Variants in TMEM132D observed in about 807,000 individuals in gnomAD.
TMEM132D encodes the protein mature OL transmembrane protein.
TMEM132D carries 21 observed loss-of-function variants against 62.3 expected under a neutral mutation model. The ratio of observed to expected loss-of-function variants is 0.34; its 90% CI spans 0.24 to 0.49. The LOEUF (loss-of-function observed/expected upper bound fraction) is 0.49. Ranked by LOEUF, TMEM132D falls within the 20% of genes least tolerant of loss-of-function variation. The probability of loss-of-function intolerance (pLI) is 0.99; values close to 1 mark genes in which losing one functional copy is unlikely to be tolerated. For synonymous variants in TMEM132D, 621 were observed against 575.6 expected (o/e 1.08, Z -1.13); for missense variants, 1,346 against 1,402.8 (o/e 0.96, Z 0.65).
At chr12:129,711,751 G>T in intron 1 of TMEM132D, among the ~76,000 whole-genome samples, 1 of 146,826 alleles carries the variant, frequency 6.8e-6, no homozygotes, top group Non-Finnish European at 1.5e-5. Flanking sequence ...AAAAAAGGAT[G>T]GGATTATATA....
At position 129,721,403 on chromosome 12, in the gene TMEM132D, T is replaced by C. The variant is rs368687372; in HGVS notation, c.80-20705A>G. Among the ~76,000 whole-genome samples, 59 of 152,270 alleles carry C rather than the reference T, an allele frequency of 3.9e-4. No homozygotes were observed. The South Asian group carries it at 0.012, about 32-fold the overall frequency. ...TGCCTTAACGGGGTCTTTCTCTTGG[T>C]GCCCAGAAATACCCACATTGTGGTG... On this transcript the variant is annotated intron_variant, in intron 1 of 8. Coordinates refer to ENST00000422113, the MANE Select transcript of TMEM132D (RefSeq NM_133448.3).
At chr12:129,544,269 C>G (rs1876672453) in intron 2 of TMEM132D, among the ~76,000 whole-genome samples, 1 of 152,098 alleles carries the variant, frequency 6.6e-6, no homozygotes, top group South Asian at 2.1e-4. Flanking sequence ...TTCCCTGTTG[C>G]TTTCTTAGTC....
chr12:129,456,371 A>C (rs190155985), intron 3 of TMEM132D, among the ~76,000 whole-genome samples: 2 of 152,214 alleles, frequency 1.3e-5, no homozygotes, highest in South Asian at 4.1e-4. Context: ...GGCTGAGGAG[A>C]GAGAACAGAT....
intron 2 of TMEM132D, among the ~76,000 whole-genome samples, chr12:129,671,608 A>C (rs759794213): frequency 5.3e-5 from 8 of 152,086 alleles, no homozygotes; most frequent in African/African-American, 1.7e-4. Context: ...GGAGGGCTGA[A>C]GCGTTTTTGA....
At chr12:129,896,157 T>C (rs1318874406) in intron 1 of TMEM132D, among the ~76,000 whole-genome samples, 2 of 151,726 alleles carry the variant, frequency 1.3e-5, no homozygotes, top group East Asian at 1.9e-4. Context: ...TTTGTTTTGT[T>C]TTGTTTTTGT....
At chr12:129,749,472 T>G (rs1421224909) in intron 1 of TMEM132D, among the ~76,000 whole-genome samples, 2 of 151,908 alleles carry the variant, frequency 1.3e-5, no homozygotes, top group East Asian at 3.9e-4. Flanking sequence ...TCTTTTTTTT[T>G]TTTTTTTTGA....
chr12:129,617,600 T>C (rs1476313132), intron 2 of TMEM132D, among the ~76,000 whole-genome samples: 1 of 152,184 alleles, frequency 6.6e-6, no homozygotes, highest in African/African-American at 2.4e-5. Flanking sequence ...AGTGCGGTTC[T>C]ATTTGTTGAT....
intron 1 of TMEM132D, among the ~76,000 whole-genome samples, chr12:129,882,930 T>C (rs568314597): frequency 1.3e-5 from 2 of 152,226 alleles, no homozygotes; most frequent in South Asian, 4.1e-4. Context: ...ATACTTAACG[T>C]TGTAAAATGT....
intron 5 of TMEM132D, among the ~76,000 whole-genome samples, chr12:129,153,983 C>T (rs553146695): frequency 3.3e-5 from 5 of 152,320 alleles, no homozygotes; most frequent in African/African-American, 9.6e-5. Context: ...AAACCATTCA[C>T]GACATTCCTT....
At chr12:129,422,161 A>G (rs915431137) in intron 3 of TMEM132D, among the ~76,000 whole-genome samples, 2 of 151,424 alleles carry the variant, frequency 1.3e-5, no homozygotes, top group African/African-American at 4.8e-5. Flanking sequence ...TTAATATTTA[A>G]GGGAACGTTT....
chr12:129,888,376 T>C (rs752370950), intron 1 of TMEM132D, among the ~76,000 whole-genome samples: 12 of 152,134 alleles, frequency 7.9e-5, no homozygotes, highest in Non-Finnish European at 1.3e-4. Context: ...TAGAGAAAAT[T>C]TGAATATTTG....
chr12:129,568,451 GAC>G (rs1252652779), intron 2 of TMEM132D, among the ~76,000 whole-genome samples: 14 of 152,280 alleles, frequency 9.2e-5, no homozygotes, highest in African/African-American at 1.9e-4. Flanking sequence ...ATTGTTTTAT[GAC>G]ACAATTTTCT....
chr12:129,784,905 G>C (rs561214376), intron 1 of TMEM132D, among the ~76,000 whole-genome samples: 1 of 152,264 alleles, frequency 6.6e-6, no homozygotes, highest in East Asian at 1.9e-4. Flanking sequence ...ATGGACCACA[G>C]CTTTCTGTCT....
chr12:129,728,273 A>G (rs181568027), intron 1 of TMEM132D, among the ~76,000 whole-genome samples: 47 of 152,360 alleles, frequency 3.1e-4, no homozygotes, highest in Admixed American at 8.5e-4. Context: ...CAGAAATAAA[A>G]TAAACTGTAT....
At chr12:129,424,876 A>G (rs1872447740) in intron 3 of TMEM132D, among the ~76,000 whole-genome samples, 1 of 152,108 alleles carries the variant, frequency 6.6e-6, no homozygotes, top group South Asian at 2.1e-4. Flanking sequence ...TAAAACCATC[A>G]TCCTAAGTGA....
chr12:129,444,792 AC>A (rs1163238320), intron 3 of TMEM132D, among the ~76,000 whole-genome samples: 1 of 152,222 alleles, frequency 6.6e-6, no homozygotes, highest in Non-Finnish European at 1.5e-5. Flanking sequence ...GCCATCTCAT[AC>A]CAGTCAGAAT....
At chr12:129,801,041 C>G (rs558570317) in intron 1 of TMEM132D, among the ~76,000 whole-genome samples, 8 of 152,342 alleles carry the variant, frequency 5.3e-5, no homozygotes, top group African/African-American at 1.7e-4. Context: ...GAGATTATAT[C>G]CCGCACCTGG....
At chr12:129,754,515 C>A (rs1239918692) in intron 1 of TMEM132D, among the ~76,000 whole-genome samples, 1 of 152,056 alleles carries the variant, frequency 6.6e-6, no homozygotes, top group African/African-American at 2.4e-5. Context: ...GACCACACAG[C>A]CAGGGACCAG....
intron 5 of TMEM132D, among the ~76,000 whole-genome samples, chr12:129,144,679 T>TGTCTATC (rs1876837863): frequency 1.4e-5 from 2 of 139,252 alleles, no homozygotes; most frequent in African/African-American, 2.8e-5. Context: ...CTATTGAGCT[T>TGTCTATC]ATCTATCATC....
Sources: allele counts gnomAD v4.1 joint callset (sites outside exome capture counted in the v4.1 genomes callset), GRCh38; gene constraint gnomAD v4.1.1; transcripts MANE v1.5; gene names NCBI Gene and HGNC (gene_info 2026-07-23, HGNC 2026-07-21).